Variants in CCDC68 observed in about 807,000 individuals in gnomAD.
The protein encoded by CCDC68 is coiled-coil domain containing 68, also known as coiled-coil domain-containing protein 68.
CCDC68 carries 45 observed loss-of-function variants against 47.1 expected under a neutral mutation model. The ratio of observed to expected loss-of-function variants is 0.96; its 90% CI spans 0.75 to 1.23. The LOEUF (loss-of-function observed/expected upper bound fraction) is 1.23, where lower values mean the gene tolerates loss of function less well. Ranked by LOEUF, CCDC68 falls within the 50% of genes most tolerant of loss-of-function variation. The pLI is 0.00. For missense variants in CCDC68, 353 were observed against 373.6 expected (o/e 0.94, Z 0.45); for synonymous variants, 131 against 129.5 (o/e 1.01, Z -0.08).
intron 10 of CCDC68, among the ~76,000 whole-genome samples, chr18:54,908,605 TATA>T (rs1234762763): frequency 6.6e-6 from 1 of 152,216 alleles, no homozygotes; most frequent in African/African-American, 2.4e-5. Flanking sequence ...GAATTACAGA[TATA>T]ATAATAACGC....
intron 1 of CCDC68, among the ~76,000 whole-genome samples, chr18:54,946,980 T>C (rs2044539117): frequency 6.6e-6 from 1 of 152,236 alleles, no homozygotes; most frequent in Non-Finnish European, 1.5e-5. Context: ...GCTTTATAAC[T>C]GTATCCATAT....
Position 54,951,039 on chromosome 18 carries a change from G to A in CCDC68, c.-102-5562C>T, listed in dbSNP as rs552998524. 6.2e-4 allele frequency among the ~76,000 whole-genome samples: 91 copies of A among 147,268 alleles called. 1 individual carries two copies. Among genetic ancestry groups the A allele is most frequent in the African/African-American group, 2.2e-3 (90 of 40,042 alleles). On this transcript the variant is annotated intron_variant, in intron 1 of 11. Transcript: ENST00000591504. The stretch of plus-strand genomic sequence containing the variant: ...TTCTCCTGCCTCAGCCTCCCGAGTA[G>A]CTGGGACTACAGGCGCCCGCTACCA...
intron 8 of CCDC68, among the ~76,000 whole-genome samples, chr18:54,920,236 C>CTTT (rs58528142): frequency 7.4e-6 from 1 of 135,236 alleles, no homozygotes; most frequent in African/African-American, 2.8e-5. Context: ...TTTCTTTTTT[C>CTTT]TTTTTTTTTT....
At chr18:54,910,803 C>A (rs1599025647) in intron 10 of CCDC68, among the ~76,000 whole-genome samples, 1 of 152,252 alleles carries the variant, frequency 6.6e-6, no homozygotes, top group East Asian at 1.9e-4. Flanking sequence ...ACACACCCAG[C>A]TGAGCTGTGA....
intron 10 of CCDC68, among the ~76,000 whole-genome samples, chr18:54,915,236 TAA>T (rs2043925111): frequency 6.6e-6 from 1 of 152,228 alleles, no homozygotes. Flanking sequence ...TAGTCCAGAA[TAA>T]AGAGGCATTT....
At chr18:54,952,596 C>A (rs945161852) in intron 1 of CCDC68, among the ~76,000 whole-genome samples, 2 of 152,138 alleles carry the variant, frequency 1.3e-5, no homozygotes, top group African/African-American at 4.8e-5. Flanking sequence ...AAACCCCATG[C>A]CTTGGTATTT....
chr18:54,930,695 C>CCTCTCTCTCT (rs773697746), intron 7 of CCDC68, among the ~76,000 whole-genome samples: 4 of 73,896 alleles, frequency 5.4e-5, no homozygotes, highest in African/African-American at 2.3e-4. Flanking sequence ...TCCCTCCCTC[C>CCTCTCTCTCT]CTCTCTCTCT....
At chr18:54,930,907 G>A (rs898344232) in intron 7 of CCDC68, among the ~76,000 whole-genome samples, 2 of 150,864 alleles carry the variant, frequency 1.3e-5, no homozygotes, top group Admixed American at 6.6e-5. Flanking sequence ...TAGTAGAGAC[G>A]GGGTTTCTCC....
intron 7 of CCDC68, among the ~76,000 whole-genome samples, 195 bp from the exon 8 acceptor site, chr18:54,929,077 G>A (rs531767417): frequency 8.5e-5 from 13 of 152,306 alleles, no homozygotes; most frequent in African/African-American, 2.9e-4. Context: ...GCCAAAAATA[G>A]TTGTCTTCAC....
At chr18:54,907,948 C>A in intron 10 of CCDC68, 86 bp from the exon 11 acceptor site, 1 of 782,824 alleles carries the variant, frequency 1.3e-6, no homozygotes, top group South Asian at 1.5e-5. Flanking sequence ...CCAACACCTG[C>A]CTCACTCGTT....
At chr18:54,913,316 TG>T (rs1030212455) in intron 10 of CCDC68, among the ~76,000 whole-genome samples, 56 of 152,332 alleles carry the variant, frequency 3.7e-4, no homozygotes, top group African/African-American at 1.3e-3. Flanking sequence ...TTTCAAAAGT[TG>T]CTGGGTTTAA....
intron 1 of CCDC68, among the ~76,000 whole-genome samples, chr18:54,957,561 G>T (rs1489418978): frequency 6.6e-6 from 1 of 150,870 alleles, no homozygotes. Flanking sequence ...ATGAATACAT[G>T]AATAGGCCCA....
chr18:54,933,572 A>T (rs960399714), intron 7 of CCDC68, among the ~76,000 whole-genome samples: 2 of 152,210 alleles, frequency 1.3e-5, no homozygotes, highest in African/African-American at 2.4e-5. Context: ...GTGCTATCTT[A>T]GTTTTGTTAA....
At position 54,904,313 on chromosome 18, in the gene CCDC68, T is replaced by C. The variant is rs759493784; in HGVS notation, c.*45A>G. ...CTTGGGCTGTGTTTCAGAGAATAAA[T>C]AAGACTCACGCAGTCTTTCTAAATC... On this transcript the variant is annotated 3_prime_UTR_variant, in exon 12 of 12. Transcript: ENST00000591504. 5 of 1,439,762 alleles carry C rather than the reference T, an allele frequency of 3.5e-6. No individual in the cohort carries two copies. The highest frequency in any genetic ancestry group is 3.9e-6 in the Non-Finnish European group (4 of 1,023,408). 89.2% of individuals were successfully genotyped at this position (1,439,762 alleles called of 1,614,324 possible). A position where few individuals can be genotyped will look rare whatever the true frequency, so the allele number is the denominator to read the frequency against.
At chr18:54,911,261 G>A (rs558960795) in intron 10 of CCDC68, among the ~76,000 whole-genome samples, 82 of 151,986 alleles carry the variant, frequency 5.4e-4, no homozygotes, top group Non-Finnish European at 8.5e-4. Context: ...TGTTGGCCAC[G>A]CTGCTCTTGA....
intron 1 of CCDC68, chr18:54,954,658 AG>A (rs1456124665): frequency 1.3e-5 from 2 of 152,236 alleles, no homozygotes. Flanking sequence ...AGTATATGAA[AG>A]TGAGAATGAT....
chr18:54,906,853 A>T (rs1914038936), intron 11 of CCDC68, among the ~76,000 whole-genome samples: 1 of 152,218 alleles, frequency 6.6e-6, no homozygotes. Flanking sequence ...GACTTGAATC[A>T]TAATAGTTTC....
intron 1 of CCDC68, among the ~76,000 whole-genome samples, chr18:54,954,019 T>G: frequency 1.2e-5 from 1 of 81,678 alleles, no homozygotes. Context: ...TCCCCTCGCC[T>G]TCCCTTCCCT....
intron 8 of CCDC68, among the ~76,000 whole-genome samples, chr18:54,921,390 C>T (rs2044057762): frequency 6.6e-6 from 1 of 152,068 alleles, no homozygotes; most frequent in Non-Finnish European, 1.5e-5. Flanking sequence ...TTTAATTGGT[C>T]CAATAGAGTC....
Sources: allele counts gnomAD v4.1 joint callset (sites outside exome capture counted in the v4.1 genomes callset), GRCh38; gene constraint gnomAD v4.1.1; transcripts MANE v1.5; gene names NCBI Gene and HGNC (gene_info 2026-07-23, HGNC 2026-07-21).